ANO7: variants seen among roughly 807,000 people sequenced by gnomAD.
ANO7 encodes the protein anoctamin 7.
ANO7 carries 114 observed loss-of-function variants against 115.8 expected under a neutral mutation model. The ratio of observed to expected loss-of-function variants is 0.98; its 90% confidence interval spans 0.85 to 1.15. ANO7 has a LOEUF of 1.15. Among genes scored for constraint, ANO7 ranks in the 50% most tolerant of loss-of-function variants. The pLI, the probability that ANO7 is intolerant of heterozygous loss-of-function variation, is 0.00. For missense variants in ANO7, 1,302 were observed against 1,201.2 expected, an observed-to-expected ratio of 1.08 and a Z score of -1.24; for synonymous variants, 550 against 498.2, an observed-to-expected ratio of 1.10 and a Z score of -1.38.
intron 1 of ANO7, 77 bp from the exon 2 acceptor site, chr2:241,189,980 C>A: frequency 8.8e-7 from 1 of 1,130,360 alleles, no homozygotes; most frequent in Non-Finnish European, 1.3e-6. Flanking sequence ...TCACTGCAGG[C>A]AGTGTGGTGG....
intron 4 of ANO7, among the ~76,000 whole-genome samples, chr2:241,197,648 GC>G (rs1179417493): frequency 1.7e-5 from 2 of 117,296 alleles, no homozygotes; most frequent in Non-Finnish European, 3.5e-5. Flanking sequence ...CAAGTCACCT[GC>G]CCTTTTTTTT....
intron 21 of ANO7, among the ~76,000 whole-genome samples, chr2:241,221,564 G>C (rs2069017615): frequency 6.6e-6 from 1 of 150,980 alleles, no homozygotes; most frequent in Admixed American, 6.6e-5. Context: ...TTTTAGTAGA[G>C]ACAAAGGTTT....
intron 11 of ANO7, 142 bp from the exon 12 acceptor site, chr2:241,209,143 C>T (rs567106099): frequency 1.3e-5 from 14 of 1,060,934 alleles, no homozygotes; most frequent in African/African-American, 6.4e-5. Context: ...AGCCAGACTC[C>T]GTCTCAAGCA....
chr2:241,212,695 C>T (rs573466663), intron 17 of ANO7, 69 bp downstream of exon 17: 20 of 1,502,458 alleles, frequency 1.3e-5, no homozygotes, highest in South Asian at 1.1e-4. Flanking sequence ...TTCTTCCATT[C>T]GAGCTTTGAT....
intron 21 of ANO7, among the ~76,000 whole-genome samples, chr2:241,219,731 CTTTTTTT>C (rs11299376): frequency 8.8e-6 from 1 of 113,978 alleles, no homozygotes; most frequent in Non-Finnish European, 1.8e-5. Context: ...CCAGGCCTGG[CTTTTTTT>C]TTTTTTTTTT....
chr2:241,236,339 G>T, the ANO7 span: 1 of 488,670 alleles, frequency 2.0e-6, no homozygotes, highest in Non-Finnish European at 3.7e-6. Context: ...CCCTTCCACA[G>T]CCCCCGCACC....
intron 20 of ANO7, 67 bp from the exon 21 acceptor site, chr2:241,218,172 A>T: frequency 3.8e-6 from 2 of 530,234 alleles, no homozygotes; most frequent in Non-Finnish European, 4.4e-6. Context: ...GGGGGCGCGC[A>T]GGGGCGGAGC....
chr2:241,235,535 A>G, the ANO7 span: 2 of 1,614,144 alleles, frequency 1.2e-6, no homozygotes, highest in Middle Eastern at 1.6e-4. Flanking sequence ...CTTTCTGCCC[A>G]ATAACGTAAC....
At position 241,201,242 on chromosome 2, in the gene ANO7, C is replaced by T. The variant is rs760270181; in HGVS notation, c.555-56C>T. 3.7e-4 allele frequency: 571 copies of T among 1,522,740 alleles called. 1 individual carries two copies. The highest frequency in any genetic ancestry group is 4.4e-4 in the Non-Finnish European group (516 of 1,162,522). The allele number at this position is 1,522,740 out of a possible 1,614,324, so 94.3% of individuals were successfully genotyped here. ...CGCAGCTTCCTCCAAACCTTCTGCA[C>T]CGTTCACATGCCCACAGCTTCCTCC... On this transcript the variant is annotated intron_variant, in intron 6 of 24. Transcript: ENST00000674324.
the ANO7 span, among the ~76,000 whole-genome samples, chr2:241,231,755 T>C: frequency 6.6e-6 from 1 of 152,022 alleles, no homozygotes; most frequent in Admixed American, 6.6e-5. Flanking sequence ...AGACTTGGGA[T>C]AGCAGACAAG....
In ANO7 at chr2:241,216,893, G is replaced by A. The variant is rs1013593318; in HGVS notation, c.1972+655G>A. ...CTGTCGCCCAGGCTGGAGTGCAGTG[G>A]CGCCATCTCGGCTCACTCCAACCTC... On this transcript the variant is annotated intron_variant, in intron 19 of 24. Transcript: ENST00000674324. Among the ~76,000 whole-genome samples the A allele has an allele frequency of 3.3e-5, 5 of 152,204 alleles. No homozygotes were observed. In the East Asian group the frequency reaches 9.6e-4, roughly 29 times the overall value.
Position 241,223,762 on chromosome 2 carries a change from A to G in ANO7, c.2513A>G (p.Gln838Arg), listed in dbSNP as rs753926686. Reference sequence around the variant, plus strand: ...AAGCGGGAGTACTACCTGGCTAAGCAGGCACTGGCTGAGAATGAGGTGAAC... The same window carrying G: ...AAGCGGGAGTACTACCTGGCTAAGCGGGCACTGGCTGAGAATGAGGTGAAC... The part of the protein sequence containing the change: ...KVKREYYLAK[Q>R]ALAENEVLFG... The change falls in exon 23 of 25, where the codon CAG (glutamine) becomes CGG (arginine). Residue 838 changes from glutamine (Q) to arginine (R), a missense_variant. Gln to Arg is a conservative substitution (Grantham distance 43). Transcript: ENST00000674324. The G allele has an allele frequency of 6.2e-7, 1 of 1,614,212 alleles. No individual in the cohort carries two copies.
chr2:241,191,208 AGCG>A lies in ANO7; in HGVS notation c.126_128del (p.Ala44del). On this transcript the variant is annotated inframe_deletion, in exon 3 of 25. Transcript: ENST00000674324. ...ATGCCTTCCAGCCAGGTGGACAGCAAGCGGCCGCCTGCAGAGCTGGGAGTCCTG... is the reference window on the plus strand; with the variant it reads ...ATGCCTTCCAGCCAGGTGGACAGCAAGCCGCCTGCAGAGCTGGGAGTCCTG... 3.7e-6 allele frequency: 6 copies of A among 1,613,892 alleles called. No individual in the cohort carries two copies. Among genetic ancestry groups the A allele is most frequent in the Non-Finnish European group, 5.1e-6 (6 of 1,179,978 alleles).
Position 241,223,629 on chromosome 2 carries a change from T to G in ANO7, c.2413-33T>G, listed in dbSNP as rs527837693. On this transcript the variant is annotated intron_variant, in intron 22 of 24. Coordinates refer to ENST00000674324, the MANE Select transcript of ANO7 (RefSeq NM_001370694.2). ...CCCTGTGAAGGCCACTCTGGGCGTT[T>G]GGGTGGGCGTGAGTGCCTTCCTCTG... 51 of 1,605,694 alleles carry G rather than the reference T, an allele frequency of 3.2e-5. No individual in the cohort carries two copies. The South Asian group carries it at 5.1e-4, about 16-fold the overall frequency.
rs2068790469 is a variant in ANO7 at position 241,214,858 on chromosome 2, G to T, written c.1782G>T (p.Met594Ile). The change falls in exon 18 of 25, where the codon ATG (methionine) becomes ATT (isoleucine). Residue 594 changes from methionine to isoleucine, a missense_variant. By Grantham distance (10) the Met-to-Ile change is conservative. Transcript: ENST00000674324. ...IELAQELLVI[M>I]VGKQVINNMQ... is the part of the protein sequence containing the mutation. ...TGGCACAGGAGCTCCTGGTCATCAT[G>T]GTGGGCAAGCAGGTCATCAACAACA... 6.2e-7 allele frequency: 1 copy of T among 1,612,936 alleles called. No individual in the cohort carries two copies. The highest frequency in any genetic ancestry group is 8.5e-7 in the Non-Finnish European group (1 of 1,179,956).
At chr2:241,236,333 T>TC in the ANO7 span, 1 of 448,004 alleles carries the variant, frequency 2.2e-6, no homozygotes, top group Non-Finnish European at 4.0e-6. Context: ...CTGAGACCCT[T>TC]CCACAGCCCC....
At chr2:241,236,904 AG>A in the ANO7 span, 3 of 727,256 alleles carry the variant, frequency 4.1e-6, no homozygotes, top group East Asian at 1.0e-4. Context: ...CCTGTCCTTC[AG>A]GAGGTCTTGG....
rs80112081 is a variant in ANO7 at position 241,191,453 on chromosome 2, A to G, written c.166+202A>G. 3.6e-3 allele frequency among the ~76,000 whole-genome samples: 549 copies of G among 152,166 alleles called. 1 individual carries two copies. Among genetic ancestry groups the G allele is most frequent in the African/African-American group, 0.013 (525 of 41,512 alleles). ...AGAACAGCAGGAAAGGGGGCTCCCT[A>G]CTGATGGGGTGGGGCCGGAAGGGCT... On this transcript the variant is annotated intron_variant, in intron 3 of 24. Coordinates refer to ENST00000674324, the MANE Select transcript of ANO7 (RefSeq NM_001370694.2).
chr2:241,223,616 C>T (rs1021010815), intron 22 of ANO7, 46 bp from the exon 23 acceptor site: 4 of 1,599,150 alleles, frequency 2.5e-6, no homozygotes, highest in Non-Finnish European at 3.4e-6. Flanking sequence ...CTGTGAAGGC[C>T]ACTCTGGGCG....
Sources: allele counts gnomAD v4.1 joint callset (sites outside exome capture counted in the v4.1 genomes callset), GRCh38; gene constraint gnomAD v4.1.1; transcripts MANE v1.5; gene names NCBI Gene and HGNC (gene_info 2026-07-23, HGNC 2026-07-21).